Variants in FOXP1 observed in about 807,000 individuals in gnomAD.
FOXP1 encodes forkhead box protein P1.
In FOXP1, 15 loss-of-function variants were observed where a neutral mutation model predicts 98.2. The ratio of observed to expected loss-of-function variants is 0.15; its 90% confidence interval spans 0.10 to 0.24. The LOEUF is 0.24. Among genes scored for constraint, FOXP1 ranks in the 10% least tolerant of loss-of-function variants. The pLI, the probability that FOXP1 is intolerant of heterozygous loss-of-function variation, is 1.00. For missense variants in FOXP1, 633 were observed against 848.5 expected (o/e 0.75, Z 3.15); for synonymous variants, 371 against 314.5 (o/e 1.18, Z -1.90).
At chr3:71,039,768 AAAAAG>A (rs967770838) in intron 11 of FOXP1, among the ~76,000 whole-genome samples, 9 of 152,134 alleles carry the variant, frequency 5.9e-5, no homozygotes, top group African/African-American at 2.2e-4. Flanking sequence ...AAAAAAAAAA[AAAAAG>A]AAGACATCAT....
chr3:70,996,269 C>T (rs1405396767), intron 13 of FOXP1, among the ~76,000 whole-genome samples: 1 of 152,184 alleles, frequency 6.6e-6, no homozygotes, highest in Non-Finnish European at 1.5e-5. Context: ...CAGGCGTGAG[C>T]CACCACGCCT....
At chr3:71,209,804 T>C (rs1232812063) in intron 5 of FOXP1, among the ~76,000 whole-genome samples, 2 of 152,224 alleles carry the variant, frequency 1.3e-5, no homozygotes, top group African/African-American at 4.8e-5. Context: ...AAAACATTAG[T>C]TTCAATCTAT....
At chr3:71,102,616 G>A (rs909124275) in intron 7 of FOXP1, among the ~76,000 whole-genome samples, 1 of 152,142 alleles carries the variant, frequency 6.6e-6, no homozygotes, top group Admixed American at 6.5e-5. Context: ...TTTCCCAAGC[G>A]TCATTTCCCT....
At chr3:71,240,426 G>A (rs2067156891) in intron 5 of FOXP1, among the ~76,000 whole-genome samples, 1 of 152,268 alleles carries the variant, frequency 6.6e-6, no homozygotes, top group African/African-American at 2.4e-5. Flanking sequence ...TATGTGCAAA[G>A]CGTTTCCATT....
At position 71,143,016 on chromosome 3, in the gene FOXP1, C is replaced by T. The variant is rs1039647737; in HGVS notation, c.181-30379G>A. ...GCTTGCATACTGGTCCCACAAGGAA[C>T]GACATGGTGACCCAGGGGAGCAATC... On this transcript the variant is annotated intron_variant, in intron 6 of 20. Transcript: ENST00000649528. Among the ~76,000 whole-genome samples, 15 of 152,216 alleles carry T rather than the reference C, an allele frequency of 9.9e-5. No individual in the cohort carries two copies. In the East Asian group the frequency reaches 1.5e-3, roughly 16 times the overall value.
At chr3:71,267,415 G>A (rs1369117272) in intron 5 of FOXP1, among the ~76,000 whole-genome samples, 1 of 152,140 alleles carries the variant, frequency 6.6e-6, no homozygotes, top group Non-Finnish European at 1.5e-5. Flanking sequence ...GCATCCAAGA[G>A]AGGTCATGGA....
intron 4 of FOXP1, among the ~76,000 whole-genome samples, chr3:71,327,190 G>A (rs2075740819): frequency 6.6e-6 from 1 of 151,466 alleles, no homozygotes; most frequent in Admixed American, 6.6e-5. Flanking sequence ...CTTCAGAAAT[G>A]CTTGTGAAGG....
intron 6 of FOXP1, among the ~76,000 whole-genome samples, chr3:71,145,864 G>A (rs1422127563): frequency 2.0e-5 from 3 of 152,180 alleles, no homozygotes; most frequent in African/African-American, 4.8e-5. Context: ...ATAGAGTTTG[G>A]AAGGTTCTTT....
At chr3:71,077,312 C>T (rs1189166719) in intron 7 of FOXP1, among the ~76,000 whole-genome samples, 1 of 152,186 alleles carries the variant, frequency 6.6e-6, no homozygotes, top group Non-Finnish European at 1.5e-5. Flanking sequence ...AGTGCACTCT[C>T]TCCTAAGGCA....
intron 3 of FOXP1, among the ~76,000 whole-genome samples, chr3:71,383,236 A>G (rs2080311563): frequency 1.3e-5 from 2 of 152,212 alleles, no homozygotes; most frequent in East Asian, 1.9e-4. Context: ...AAACAGCACC[A>G]CTTTACCCTT....
At chr3:71,103,688 C>G (rs1315727470) in intron 7 of FOXP1, among the ~76,000 whole-genome samples, 3 of 151,988 alleles carry the variant, frequency 2.0e-5, no homozygotes, top group Non-Finnish European at 4.4e-5. Flanking sequence ...CGGTTTATAG[C>G]AAGGTGGGGG....
chr3:71,185,999 T>C (rs1281031291), intron 6 of FOXP1, among the ~76,000 whole-genome samples: 1 of 152,258 alleles, frequency 6.6e-6, no homozygotes, highest in Non-Finnish European at 1.5e-5. Flanking sequence ...TTCTACAGTT[T>C]ATCTTCAATT....
chr3:71,550,056 T>C (rs934037497), intron 2 of FOXP1, among the ~76,000 whole-genome samples: 5 of 152,082 alleles, frequency 3.3e-5, no homozygotes, highest in African/African-American at 9.7e-5. Context: ...CTGCAAACAG[T>C]ATAGCATAAA....
intron 2 of FOXP1, among the ~76,000 whole-genome samples, chr3:71,565,144 T>A (rs936406373): frequency 6.6e-6 from 1 of 151,646 alleles, no homozygotes; most frequent in Non-Finnish European, 1.5e-5. Flanking sequence ...CACTGAGGAG[T>A]TAGGGGCTAT....
intron 12 of FOXP1, 115 bp downstream of exon 12, chr3:71,015,434 A>C (rs1559725267): frequency 1.7e-5 from 12 of 689,682 alleles, no homozygotes; most frequent in South Asian, 9.1e-5. Context: ...TTTAGAGTCC[A>C]CTCTCAAAGG....
At chr3:71,371,796 C>T (rs976324095) in intron 3 of FOXP1, among the ~76,000 whole-genome samples, 2 of 151,986 alleles carry the variant, frequency 1.3e-5, no homozygotes, top group African/African-American at 2.4e-5. Flanking sequence ...GTCCTTCGCC[C>T]CGGTATACAG....
intron 3 of FOXP1, among the ~76,000 whole-genome samples, chr3:71,399,966 A>G (rs1236597189): frequency 6.6e-6 from 1 of 152,202 alleles, no homozygotes; most frequent in African/African-American, 2.4e-5. Flanking sequence ...TAAAATGTAA[A>G]CCCAGAGACA....
intron 3 of FOXP1, among the ~76,000 whole-genome samples, chr3:71,379,508 G>T (rs1261743992): frequency 6.6e-6 from 1 of 152,006 alleles, no homozygotes; most frequent in Admixed American, 6.5e-5. Flanking sequence ...TTCATACCAG[G>T]GGTCAGCAAA....
chr3:71,461,864 A>G (rs2088158539), intron 3 of FOXP1, among the ~76,000 whole-genome samples: 1 of 146,484 alleles, frequency 6.8e-6, no homozygotes, highest in Non-Finnish European at 1.5e-5. Context: ...CTCTGGTATC[A>G]CAGTGTAAAG....
Sources: gnomAD v4.1 joint callset for allele counts (sites outside exome capture counted in the v4.1 genomes callset) on GRCh38, gnomAD v4.1.1 for gene constraint, MANE v1.5 for transcripts, NCBI Gene and HGNC (gene_info 2026-07-23, HGNC 2026-07-21) for gene names.